The following RAD51B variants were observed in gnomAD, a reference collection of about 807,000 sequenced individuals.
RAD51B encodes the protein RAD51 paralog B.
Under a neutral mutation model 42.2 loss-of-function variants are expected in RAD51B, and 38 were observed. The ratio of observed to expected loss-of-function variants is 0.90; its 90% CI spans 0.70 to 1.18. RAD51B has a LOEUF of 1.18. Among genes scored for constraint, RAD51B ranks in the 50% most tolerant of loss-of-function variants. RAD51B has a pLI of 0.00. For missense variants in RAD51B, 373 were observed against 400.7 expected (o/e 0.93, Z 0.59); for synonymous variants, 154 against 145.2 (o/e 1.06, Z -0.43).
chr14:68,515,236 G>A (rs1223221972), intron 10 of RAD51B, among the ~76,000 whole-genome samples: 12 of 152,126 alleles, frequency 7.9e-5, no homozygotes, highest in Non-Finnish European at 4.4e-5. Context: ...GTTATGGGGA[G>A]TGTTAAAACT....
intron 9 of RAD51B, among the ~76,000 whole-genome samples, chr14:68,453,159 G>T (rs1243543220): frequency 6.6e-6 from 1 of 152,162 alleles, no homozygotes; most frequent in African/African-American, 2.4e-5. Context: ...AGTTCACAAA[G>T]AGTGCCTGCA....
chr14:68,362,877 G>A (rs192689279), intron 8 of RAD51B, among the ~76,000 whole-genome samples: 16 of 151,850 alleles, frequency 1.1e-4, no homozygotes, highest in Admixed American at 2.0e-4. Flanking sequence ...AAAAAGAAAC[G>A]AACAGAAATG....
At chr14:68,538,942 G>C (rs1887799183) in intron 10 of RAD51B, among the ~76,000 whole-genome samples, 1 of 152,138 alleles carries the variant, frequency 6.6e-6, no homozygotes, top group Non-Finnish European at 1.5e-5. Flanking sequence ...CTTTAGATAT[G>C]TCCTTTCTGT....
intron 10 of RAD51B, among the ~76,000 whole-genome samples, chr14:68,634,787 T>G (rs1349155597): frequency 6.6e-6 from 1 of 152,100 alleles, no homozygotes; most frequent in African/African-American, 2.4e-5. Flanking sequence ...GAGTACAGTT[T>G]AGAGATTGGG....
At chr14:68,666,728 C>G (rs952405098) in intron 11 of RAD51B, among the ~76,000 whole-genome samples, 15 of 152,050 alleles carry the variant, frequency 9.9e-5, no homozygotes, top group Non-Finnish European at 2.9e-5. Flanking sequence ...TTTCTATTTC[C>G]CTATTATTTA....
At chr14:67,912,491 C>G (rs1454139128) in intron 7 of RAD51B, among the ~76,000 whole-genome samples, 3 of 152,046 alleles carry the variant, frequency 2.0e-5, no homozygotes, top group South Asian at 2.1e-4. Context: ...GGCTGGTGCT[C>G]CCAAAACTCA....
At chr14:68,680,078 A>G (rs1893395083) in intron 11 of RAD51B, among the ~76,000 whole-genome samples, 1 of 152,266 alleles carries the variant, frequency 6.6e-6, no homozygotes, top group African/African-American at 2.4e-5. Context: ...TTCAAAAACT[A>G]GAAAAATATT....
chr14:68,081,795 G>A lies in RAD51B; in HGVS notation c.756+194591G>A, dbSNP rs1484535622. The stretch of plus-strand genomic sequence containing the variant: ...GCAGGCTGTGGGGCTCTGACCCCAC[G>A]GCAGTGTCTAGGGGTAAATGTTTAC... On this transcript the variant is annotated intron_variant, in intron 7 of 10. Coordinates refer to ENST00000471583, the MANE Select transcript of RAD51B (RefSeq NM_133510.4). 2.6e-5 allele frequency among the ~76,000 whole-genome samples: 4 copies of A among 152,136 alleles called. No individual in the cohort carries two copies. The East Asian group carries it at 5.8e-4, about 22-fold the overall frequency.
chr14:68,556,402 G>A (rs1888848936), intron 10 of RAD51B, among the ~76,000 whole-genome samples: 1 of 152,192 alleles, frequency 6.6e-6, no homozygotes, highest in African/African-American at 2.4e-5. Context: ...TCCTCAGCAT[G>A]CCCTTCCTCC....
chr14:67,834,967 A>AG (rs1275192954), intron 3 of RAD51B, 113 bp from the exon 4 acceptor site: 1 of 715,934 alleles, frequency 1.4e-6, no homozygotes, highest in Admixed American at 2.6e-5. Flanking sequence ...AAATAATAGA[A>AG]GGGAAAAGGA....
chr14:68,128,293 T>C (rs1262931944), intron 7 of RAD51B, among the ~76,000 whole-genome samples: 1 of 152,178 alleles, frequency 6.6e-6, no homozygotes, highest in African/African-American at 2.4e-5. Flanking sequence ...AGACCTTCAA[T>C]AAAGTTAATG....
At chr14:68,003,715 G>A (rs1483953500) in intron 7 of RAD51B, among the ~76,000 whole-genome samples, 2 of 152,162 alleles carry the variant, frequency 1.3e-5, no homozygotes, top group African/African-American at 2.4e-5. Context: ...TTTATTGAGA[G>A]TTTAAACATG....
At chr14:68,026,831 T>A (rs2075964271) in intron 7 of RAD51B, among the ~76,000 whole-genome samples, 1 of 152,182 alleles carries the variant, frequency 6.6e-6, no homozygotes, top group African/African-American at 2.4e-5. Context: ...GATGTTCAGC[T>A]CATTTACATT....
intron 10 of RAD51B, among the ~76,000 whole-genome samples, chr14:68,576,566 AAGCATCC>A (rs1271689108): frequency 1.3e-5 from 2 of 152,194 alleles, no homozygotes; most frequent in African/African-American, 4.8e-5. Context: ...GGAGATGCTA[AAGCATCC>A]AGGCATGCCA....
intron 7 of RAD51B, among the ~76,000 whole-genome samples, chr14:68,144,757 G>C (rs1694511362): frequency 6.6e-6 from 1 of 152,122 alleles, no homozygotes; most frequent in African/African-American, 2.4e-5. Context: ...TCTCATGTCT[G>C]TATTTTGTGT....
At chr14:68,414,669 C>T (rs2084505487) in intron 9 of RAD51B, among the ~76,000 whole-genome samples, 1 of 151,816 alleles carries the variant, frequency 6.6e-6, no homozygotes, top group Admixed American at 6.6e-5. Context: ...AAGGTAACAT[C>T]ATCAGAGGCA....
intron 10 of RAD51B, among the ~76,000 whole-genome samples, chr14:68,589,525 C>T (rs977478929): frequency 6.6e-6 from 1 of 152,236 alleles, no homozygotes; most frequent in African/African-American, 2.4e-5. Flanking sequence ...CTTCCTCCCT[C>T]TCCCTTTCTC....
chr14:68,663,310 AAG>A (rs3077379), intron 11 of RAD51B, among the ~76,000 whole-genome samples: 242 of 149,142 alleles, frequency 1.6e-3, no homozygotes, highest in South Asian at 4.1e-3. Flanking sequence ...CTCAAAAACA[AAG>A]AGAGAGAGAG....
intron 10 of RAD51B, among the ~76,000 whole-genome samples, chr14:68,471,642 G>T (rs111758115): frequency 2.0e-5 from 3 of 151,054 alleles, no homozygotes; most frequent in African/African-American, 7.3e-5. Flanking sequence ...TGAAGGAGCC[G>T]GTCCATGCTA....
Sources: allele counts gnomAD v4.1 joint callset (sites outside exome capture counted in the v4.1 genomes callset), GRCh38; gene constraint gnomAD v4.1.1; transcripts MANE v1.5; gene names NCBI Gene and HGNC (gene_info 2026-07-23, HGNC 2026-07-21).